The following FPR1 variants were observed in gnomAD, a reference collection of about 807,000 sequenced individuals.
FPR1 encodes the protein formyl peptide receptor 1, also known as N-formyl peptide receptor 1.
For missense variants in FPR1, 407 were observed against 453.0 expected (o/e 0.90, Z 0.92); for synonymous variants, 193 against 176.7 (o/e 1.09, Z -0.73).
intron 1 of FPR1, chr19:51,750,510 A>T (rs2083773887): frequency 6.6e-6 from 1 of 152,146 alleles, no homozygotes; most frequent in Admixed American, 6.5e-5. Context: ...CTCAGAAACA[A>T]CTCAGAGATG....
In FPR1 at chr19:51,746,558, A is replaced by G; in HGVS notation, c.437T>C (p.Ile146Thr). The change falls in exon 2 of 2, where the codon ATC becomes ACC. Residue 146 changes from isoleucine (I) to threonine (T), a missense_variant. Coordinates refer to ENST00000304748, the MANE Select transcript of FPR1 (RefSeq NM_002029.4). This position sits in a 1 kb window ranked among gnomAD's most constrained non-coding sequence, Gnocchi z 4.3. ...CAGAGCCATCACCCAGGGCCCAATG[A>G]TCACCTTCTTGGCCAGGCTCACGGT... ...HRTVSLAKKV[I>T]IGPWVMALLL... The G allele has an allele frequency of 1.2e-6, 2 of 1,614,124 alleles. No individual in the cohort carries two copies. Among genetic ancestry groups the G allele is most frequent in the Non-Finnish European group, 1.7e-6 (2 of 1,180,014 alleles).
chr19:51,750,545 A>G (rs889954049), intron 1 of FPR1: 5 of 152,110 alleles, frequency 3.3e-5, no homozygotes, highest in African/African-American at 1.2e-4. Flanking sequence ...CACCCATCCA[A>G]CCACCAAAAT....
chr19:51,746,689 A>G lies in FPR1; in HGVS notation c.306T>C (p.Phe102=), dbSNP rs28930680. The G allele has an allele frequency of 0.039, 62,837 of 1,614,162 alleles. 1,600 individuals carry two copies. The highest frequency in any genetic ancestry group is 0.099 in the Middle Eastern group (600 of 6,062). The change falls in exon 2 of 2, where the codon TTT becomes TTC. Residue 102 remains phenylalanine, a synonymous_variant. Coordinates refer to ENST00000304748, the MANE Select transcript of FPR1 (RefSeq NM_002029.4). This position sits in a 1 kb window ranked among gnomAD's most constrained non-coding sequence, Gnocchi z 4.3. ...PFGWFLCKFV[F]TIVDINLFGS... ...CGAACAAGTTGATGTCCACTATGGT[A>G]AAGACGAATTTGCACAGGAACCAGC... is the stretch of plus-strand genomic sequence containing the variant.
At chr19:51,748,978 A>T (rs937254874) in intron 1 of FPR1, among the ~76,000 whole-genome samples, 1 of 151,974 alleles carries the variant, frequency 6.6e-6, no homozygotes, top group African/African-American at 2.4e-5. Context: ...GTACCTTGGG[A>T]GGCCGAGGCG....
rs1426220918 is a variant in FPR1 at position 51,746,008 on chromosome 19, G to A, written c.987C>T (p.Thr329=). The A allele has an allele frequency of 6.2e-7, 1 of 1,614,158 alleles. No individual in the cohort carries two copies. Among genetic ancestry groups the A allele is most frequent in the Non-Finnish European group, 8.5e-7 (1 of 1,180,024 alleles). ...AATTGGTAGCTGTGTCACTGGTTTG[G>A]GTTGAGTCCTCGGTCAGGGCCCTCT... ...SLERALTEDS[T]QTSDTATNST... The change falls in exon 2 of 2, where the codon ACC becomes ACT. Residue 329 remains threonine (T), a synonymous_variant. Coordinates refer to ENST00000304748, the MANE Select transcript of FPR1 (RefSeq NM_002029.4). The surrounding 1 kb of genome is among the most constrained non-coding windows in gnomAD (Gnocchi z 4.3).
chr19:51,750,895 T>C (rs907199020), intron 1 of FPR1: 3 of 152,242 alleles, frequency 2.0e-5, no homozygotes, highest in Admixed American at 1.3e-4. Flanking sequence ...ACAGCCAATG[T>C]CTGCAGATTC....
At chr19:51,748,288 T>C (rs1189390150) in intron 1 of FPR1, among the ~76,000 whole-genome samples, 1 of 152,232 alleles carries the variant, frequency 6.6e-6, no homozygotes, top group Non-Finnish European at 1.5e-5. Flanking sequence ...AGAGACCGAA[T>C]GCAGATTAGT....
At chr19:51,745,715 T>C (rs2083737900), downstream of FPR1, 1 of 498,958 alleles carries the variant, frequency 2.0e-6, no homozygotes, top group Non-Finnish European at 3.6e-6. Context: ...CTTCTTCCTA[T>C]CATTTCCCAC....
At chr19:51,745,178 C>T (rs973196608), downstream of FPR1, 1 of 150,708 alleles carries the variant, frequency 6.6e-6, no homozygotes, top group Non-Finnish European at 1.5e-5. Flanking sequence ...TTTTCTGAGC[C>T]GGAGTCTCTC....
chr19:51,748,192 A>G (rs1259486467), intron 1 of FPR1, among the ~76,000 whole-genome samples: 1 of 151,536 alleles, frequency 6.6e-6, no homozygotes, highest in Non-Finnish European at 1.5e-5. Flanking sequence ...AAGAAGGAGG[A>G]AGGAAGGAGA....
intron 1 of FPR1, among the ~76,000 whole-genome samples, chr19:51,749,044 A>G (rs1362223524): frequency 6.6e-6 from 1 of 151,950 alleles, no homozygotes; most frequent in South Asian, 2.1e-4. Context: ...GAGAAGCCCC[A>G]TCTCTACTAA....
chr19:51,745,612 A>C, downstream of FPR1: 1 of 251,054 alleles, frequency 4.0e-6, no homozygotes, highest in Non-Finnish European at 7.8e-6. Flanking sequence ...ATGATGCCAG[A>C]ATGATGGGTA....
At chr19:51,747,238 A>G (rs1383933261) in intron 1 of FPR1, among the ~76,000 whole-genome samples, 4 of 122,366 alleles carry the variant, frequency 3.3e-5, no homozygotes, top group African/African-American at 1.7e-4. Context: ...TTTTTTTTTG[A>G]GATGGAATAT....
Position 51,745,986 on chromosome 19 carries a change from T to G in FPR1, c.1009A>C (p.Asn337His), listed in dbSNP as rs1228513300. The change falls in exon 2 of 2, where the codon AAT (asparagine) becomes CAT (histidine). Residue 337 changes from asparagine (N) to histidine (H), a missense_variant. By Grantham distance (68) the Asn-to-His change is moderately conservative. Transcript: ENST00000304748. ...DSTQTSDTAT[N>H]STLPSAEVEL... ...ACCTCTGCAGAAGGTAAAGTAGAAT[T>G]GGTAGCTGTGTCACTGGTTTGGGTT... 6.2e-7 allele frequency: 1 copy of G among 1,613,952 alleles called. No individual in the cohort carries two copies. Among genetic ancestry groups the G allele is most frequent in the African/African-American group, 1.3e-5 (1 of 75,020 alleles).
intron 1 of FPR1, 89 bp from the exon 2 acceptor site, chr19:51,747,094 A>AC (rs1031886104): frequency 1.0e-6 from 1 of 975,290 alleles, no homozygotes; most frequent in Non-Finnish European, 1.5e-6. Context: ...CAGTTTTCCC[A>AC]CTCCTAGCTT....
At chr19:51,747,027 C>G in intron 1 of FPR1, 22 bp from the exon 2 acceptor site, 1 of 1,532,022 alleles carries the variant, frequency 6.5e-7, no homozygotes, top group Middle Eastern at 2.1e-4. Flanking sequence ...CAGTCGTGGT[C>G]ATTCCTCAGT....
rs895586771 is a variant in FPR1, at chr19:51,746,974, G to C, written c.21C>G (p.Leu7=). The C allele has an allele frequency of 1.2e-6, 2 of 1,612,316 alleles. No individual in the cohort carries two copies. The highest frequency in any genetic ancestry group is 1.7e-6 in the Non-Finnish European group (2 of 1,178,640). METNSS[L]PTNISGGTPA... is the part of the protein sequence containing the mutation. ...GTGTCCCTCCAGAGATGTTCGTGGGGAGAGAGGAATTTGTCTCCATCTTGT... is the reference window on the plus strand; with the variant it reads ...GTGTCCCTCCAGAGATGTTCGTGGGCAGAGAGGAATTTGTCTCCATCTTGT... Residue 7 remains leucine (L), a synonymous_variant, in exon 2 of 2, where the codon CTC becomes CTG. Transcript: ENST00000304748. This position sits in a 1 kb window ranked among gnomAD's most constrained non-coding sequence, Gnocchi z 4.3.
rs1345865143 is a variant in FPR1 at position 51,746,243 on chromosome 19, A to T, written c.752T>A (p.Phe251Tyr). 6.2e-7 allele frequency: 1 copy of T among 1,614,174 alleles called. No individual in the cohort carries two copies. The highest frequency in any genetic ancestry group is 8.5e-7 in the Non-Finnish European group (1 of 1,180,022). ...RVLSFVAAAF[F>Y]LCWSPYQVVA... Reference sequence around the variant, plus strand: ...CACCTGATATGGGGACCAGCAGAGAAAAAAGGCTGCTGCGACAAAGGAGAG... The same window carrying T: ...CACCTGATATGGGGACCAGCAGAGATAAAAGGCTGCTGCGACAAAGGAGAG... The change falls in exon 2 of 2, where the codon TTT becomes TAT. Residue 251 changes from phenylalanine to tyrosine, a missense_variant. Transcript: ENST00000304748. This position sits in a 1 kb window ranked among gnomAD's most constrained non-coding sequence, Gnocchi z 4.3.
Position 51,746,292 on chromosome 19 carries a change from TAATC to T in FPR1, c.699_702del (p.Ile234SerfsTer29), listed in dbSNP as rs2083743914. ...AGGACCCGTAAGGGACGACTGGACTTAATCAAGCCTTGCTTGTGGATCTTGGTGG... is the reference window on the plus strand; with the variant it reads ...AGGACCCGTAAGGGACGACTGGACTTAAGCCTTGCTTGTGGATCTTGGTGG... On this transcript the variant is annotated frameshift_variant, in exon 2 of 2. Transcript: ENST00000304748. LOFTEE classifies it low-confidence loss of function (END_TRUNC). This position sits in a 1 kb window ranked among gnomAD's most constrained non-coding sequence, Gnocchi z 4.3. 1.2e-6 allele frequency: 2 copies of T among 1,613,962 alleles called. No homozygotes were observed. The highest frequency in any genetic ancestry group is 1.3e-5 in the African/African-American group (1 of 74,872).
Sources: gnomAD v4.1 joint callset for allele counts (sites outside exome capture counted in the v4.1 genomes callset) on GRCh38, gnomAD v4.1.1 for gene constraint, Gnocchi (gnomAD v3.1) non-coding constraint, MANE v1.5 for transcripts, NCBI Gene and HGNC (gene_info 2026-07-23, HGNC 2026-07-21) for gene names.